MECOM: variants seen among roughly 807,000 people sequenced by gnomAD.
The protein encoded by MECOM is histone-lysine N-methyltransferase MECOM.
Under a neutral mutation model 116.3 loss-of-function variants are expected in MECOM, and 13 were observed. That is an observed-to-expected ratio of 0.11 (90% CI 0.07 to 0.18). MECOM has a LOEUF of 0.18. MECOM is among the 10% of genes least tolerant of loss of function. The pLI is 1.00. For synonymous variants in MECOM, 528 were observed against 535.2 expected (o/e 0.99, Z 0.19); for missense variants, 1,299 against 1,509.0 (o/e 0.86, Z 2.31).
chr3:169,343,551 C>T (rs1724903953), intron 2 of MECOM, among the ~76,000 whole-genome samples: 1 of 152,090 alleles, frequency 6.6e-6, no homozygotes, highest in South Asian at 2.1e-4. Flanking sequence ...GAAAAAAAGT[C>T]TAAGAACTGG....
chr3:169,412,088 C>T (rs1009955929), intron 1 of MECOM, among the ~76,000 whole-genome samples: 1 of 151,902 alleles, frequency 6.6e-6, no homozygotes, highest in Non-Finnish European at 1.5e-5. Flanking sequence ...GGGTTCAAGA[C>T]CAGCCTGACC....
At position 169,366,555 on chromosome 3, in the gene MECOM, C is replaced by G. The variant is rs185878671; in HGVS notation, c.375+14632G>C. 2.1e-3 allele frequency among the ~76,000 whole-genome samples: 321 copies of G among 152,066 alleles called. 3 individuals carry two copies. Among genetic ancestry groups the G allele is most frequent in the South Asian group, 0.019 (93 of 4,816 alleles). ...AGAGTCTTTCCCTTAGGTGAGGCTT[C>G]CAGGAAAACAGGGATTCAGGCCAGT... On this transcript the variant is annotated intron_variant, in intron 2 of 16. Coordinates refer to ENST00000651503, the MANE Select transcript of MECOM (RefSeq NM_004991.4).
chr3:169,222,617 C>A (rs1277813913), intron 2 of MECOM, among the ~76,000 whole-genome samples: 2 of 152,170 alleles, frequency 1.3e-5, no homozygotes, highest in Non-Finnish European at 2.9e-5. Context: ...TTTCATTCAG[C>A]CCCAAAGCTG....
intron 1 of MECOM, among the ~76,000 whole-genome samples, chr3:169,393,430 C>T (rs1734535372): frequency 6.6e-6 from 1 of 151,928 alleles, no homozygotes; most frequent in Non-Finnish European, 1.5e-5. Flanking sequence ...AACAAAAAGC[C>T]AAAGTAGCAA....
intron 2 of MECOM, among the ~76,000 whole-genome samples, chr3:169,283,368 C>T (rs1294340681): frequency 1.3e-5 from 2 of 151,170 alleles, no homozygotes; most frequent in African/African-American, 2.4e-5. Flanking sequence ...CTGGATGTGG[C>T]AGCATCACTA....
At chr3:169,511,138 C>A (rs966800357) in intron 1 of MECOM, among the ~76,000 whole-genome samples, 2 of 152,200 alleles carry the variant, frequency 1.3e-5, no homozygotes, top group Non-Finnish European at 2.9e-5. Context: ...TTAAGCAAAG[C>A]ACTCTTTAGA....
intron 1 of MECOM, among the ~76,000 whole-genome samples, chr3:169,433,894 A>G (rs902194715): frequency 1.3e-5 from 2 of 152,158 alleles, no homozygotes; most frequent in Non-Finnish European, 2.9e-5. Flanking sequence ...AGAAGCACCT[A>G]TCTAGAGAAA....
chr3:169,331,676 A>G (rs1238216455), intron 2 of MECOM, among the ~76,000 whole-genome samples: 1 of 152,184 alleles, frequency 6.6e-6, no homozygotes, highest in Non-Finnish European at 1.5e-5. Context: ...ACATAGGATG[A>G]ACCACATAAA....
At chr3:169,486,048 T>C (rs1190995645) in intron 1 of MECOM, among the ~76,000 whole-genome samples, 1 of 136,146 alleles carries the variant, frequency 7.3e-6, no homozygotes, top group Non-Finnish European at 1.6e-5. Flanking sequence ...TATGTATATA[T>C]ATATACACTA....
At chr3:169,256,727 T>C (rs1039607502) in intron 2 of MECOM, among the ~76,000 whole-genome samples, 2 of 152,150 alleles carry the variant, frequency 1.3e-5, no homozygotes, top group Admixed American at 6.5e-5. Context: ...AGAAAAAGGT[T>C]CAGTGAAGAG....
intron 1 of MECOM, among the ~76,000 whole-genome samples, chr3:169,604,221 ATCTCTCTC>A (rs148922198): frequency 6.8e-6 from 1 of 146,630 alleles, no homozygotes; most frequent in Non-Finnish European, 1.5e-5. Flanking sequence ...AGAGAGAGAA[ATCTCTCTC>A]TCTCTCTCTC....
chr3:169,109,931 A>G (rs1054850822), intron 9 of MECOM, among the ~76,000 whole-genome samples: 52 of 152,314 alleles, frequency 3.4e-4, no homozygotes, highest in African/African-American at 1.3e-3. Context: ...GAATACCACT[A>G]TGAAGCATCC....
intron 1 of MECOM, among the ~76,000 whole-genome samples, chr3:169,592,422 C>T (rs1766538592): frequency 6.6e-6 from 1 of 152,194 alleles, no homozygotes; most frequent in Admixed American, 6.5e-5. Flanking sequence ...CAGCCTCCAC[C>T]TCCTCTTACT....
At chr3:169,616,019 C>CA (rs1769951006) in intron 1 of MECOM, among the ~76,000 whole-genome samples, 1 of 152,152 alleles carries the variant, frequency 6.6e-6, no homozygotes, top group South Asian at 2.1e-4. Context: ...GAGAATGGCC[C>CA]AGCCAGCCAG....
At chr3:169,376,069 G>GA (rs1258620010) in intron 2 of MECOM, among the ~76,000 whole-genome samples, 5 of 151,246 alleles carry the variant, frequency 3.3e-5, no homozygotes, top group African/African-American at 9.7e-5. Flanking sequence ...ACAGAACCAT[G>GA]AAAAAAAACA....
chr3:169,097,499 C>T (rs1721998223), intron 12 of MECOM, among the ~76,000 whole-genome samples: 1 of 152,022 alleles, frequency 6.6e-6, no homozygotes, highest in Non-Finnish European at 1.5e-5. Context: ...GTCAGACGAG[C>T]CTTTGAGATC....
At chr3:169,345,565 C>G (rs1224208805) in intron 2 of MECOM, among the ~76,000 whole-genome samples, 1 of 152,074 alleles carries the variant, frequency 6.6e-6, no homozygotes, top group African/African-American at 2.4e-5. Context: ...AAAATTCAAG[C>G]ACTCTAAAAC....
At chr3:169,587,591 T>C (rs1765921827) in intron 1 of MECOM, among the ~76,000 whole-genome samples, 1 of 152,034 alleles carries the variant, frequency 6.6e-6, no homozygotes, top group East Asian at 1.9e-4. Context: ...GATGCAAATA[T>C]TGTTGGATCT....
intron 5 of MECOM, among the ~76,000 whole-genome samples, 170 bp downstream of exon 5, chr3:169,127,674 A>G (rs1733323551): frequency 6.6e-6 from 1 of 152,190 alleles, no homozygotes; most frequent in African/African-American, 2.4e-5. Context: ...TTCACTGTAA[A>G]TGTTTTACAG....
Sources: allele counts gnomAD v4.1 joint callset (sites outside exome capture counted in the v4.1 genomes callset), GRCh38; gene constraint gnomAD v4.1.1; transcripts MANE v1.5; gene names NCBI Gene and HGNC (gene_info 2026-07-23, HGNC 2026-07-21).